KCND3: variants seen among roughly 807,000 people sequenced by gnomAD.
KCND3 encodes A-type voltage-gated potassium channel KCND3.
Under a neutral mutation model 51.1 loss-of-function variants are expected in KCND3, and 9 were observed. That is an observed-to-expected ratio of 0.18 (90% confidence interval 0.11 to 0.31). The LOEUF is 0.31. Among genes scored for constraint, KCND3 ranks in the 10% least tolerant of loss-of-function variants. The probability of loss-of-function intolerance (pLI) is 1.00; values close to 1 mark genes in which losing one functional copy is unlikely to be tolerated. For synonymous variants in KCND3, 349 were observed against 368.0 expected (o/e 0.95, Z 0.59); for missense variants, 526 against 903.8 (o/e 0.58, Z 5.36).
At chr1:111,988,795 T>A (rs1675453502) in intron 1 of KCND3, 1 of 152,246 alleles carries the variant, frequency 6.6e-6, no homozygotes, top group African/African-American at 2.4e-5. Context: ...AGCCTGTTGC[T>A]GACATATCAG....
At chr1:111,972,902 TTC>T (rs1428325305) in intron 2 of KCND3, among the ~76,000 whole-genome samples, 1 of 152,224 alleles carries the variant, frequency 6.6e-6, no homozygotes, top group African/African-American at 2.4e-5. Flanking sequence ...TTTAGTTTAA[TTC>T]TCTTAGTTTT....
rs797045634 is a variant in KCND3, at chr1:111,981,693, C to A, written c.1034G>T (p.Gly345Val). The change falls in exon 2 of 8, where the codon GGC (glycine) becomes GTC (valine). Residue 345 changes from glycine (G) to valine (V), a missense_variant. By Grantham distance (109) the Gly-to-Val change is moderately radical. Around this residue, in one of 5 missense-constraint regions of KCND3, gnomAD observed 48 missense variants for 228.5 expected, o/e 0.21. Coordinates refer to ENST00000302127, the MANE Select transcript of KCND3 (RefSeq NM_001378969.1). The surrounding 1 kb of genome is among the most constrained non-coding windows in gnomAD (Gnocchi z 6.2). ...FATVMFYAEK[G>V]SSASKFTSIP... is the part of the protein sequence containing the mutation. ...GCTTGTGAACTTGCTGGCCGAGGAG[C>A]CCTTCTCGGCATAAAACATCACAGT... 2 of 1,614,110 alleles carry A rather than the reference C, an allele frequency of 1.2e-6. No individual in the cohort carries two copies. The highest frequency in any genetic ancestry group is 8.5e-7 in the Non-Finnish European group (1 of 1,180,010).
chr1:111,953,622 C>T (rs952521657), intron 2 of KCND3, among the ~76,000 whole-genome samples: 5 of 152,210 alleles, frequency 3.3e-5, no homozygotes, highest in African/African-American at 4.8e-5. Context: ...AGGGAGAGGG[C>T]GTCACATGCA....
chr1:111,965,513 TG>T (rs1411540252), intron 2 of KCND3, among the ~76,000 whole-genome samples: 1 of 135,008 alleles, frequency 7.4e-6, no homozygotes, highest in Non-Finnish European at 1.6e-5. Flanking sequence ...TGTCAGGTTC[TG>T]AGTCTCTCCT....
At chr1:111,823,073 C>G (rs1034387969) in intron 2 of KCND3, among the ~76,000 whole-genome samples, 3 of 152,196 alleles carry the variant, frequency 2.0e-5, no homozygotes, top group African/African-American at 7.2e-5. Flanking sequence ...GGCGGAATCA[C>G]AGAAGCAAGG....
At chr1:111,967,296 C>T (rs929889632) in intron 2 of KCND3, among the ~76,000 whole-genome samples, 12 of 152,102 alleles carry the variant, frequency 7.9e-5, no homozygotes, top group Admixed American at 1.3e-4. Flanking sequence ...AAACTAGACC[C>T]TAAATCTAGG....
At chr1:111,817,685 A>G (rs1166156826) in intron 2 of KCND3, among the ~76,000 whole-genome samples, 1 of 152,212 alleles carries the variant, frequency 6.6e-6, no homozygotes, top group Non-Finnish European at 1.5e-5. Flanking sequence ...ATCATGCCTC[A>G]CATTTCTAAC....
intron 2 of KCND3, among the ~76,000 whole-genome samples, chr1:111,942,813 A>G (rs977433397): frequency 6.6e-6 from 1 of 152,174 alleles, no homozygotes; most frequent in Non-Finnish European, 1.5e-5. Context: ...TCCATTTTCC[A>G]GAGGAGGAAA....
rs547993535 is a variant in KCND3 at position 111,892,363 on chromosome 1, A to C, written c.1106+89258T>G. Among the ~76,000 whole-genome samples, 63 of 152,344 alleles carry C rather than the reference A, an allele frequency of 4.1e-4. 1 individual carries two copies. The highest frequency in any genetic ancestry group is 7.6e-4 in the Non-Finnish European group (52 of 68,032). On this transcript the variant is annotated intron_variant, in intron 2 of 7. Coordinates refer to ENST00000302127, the MANE Select transcript of KCND3 (RefSeq NM_001378969.1). ...TATTGGGCATTGCCCTGGACAATGCAGTGAGCCAGCTCTCCAATGTGTGAG... is the reference window on the plus strand; with the variant it reads ...TATTGGGCATTGCCCTGGACAATGCCGTGAGCCAGCTCTCCAATGTGTGAG...
chr1:111,883,608 T>C (rs964121991), intron 2 of KCND3, among the ~76,000 whole-genome samples: 7 of 152,226 alleles, frequency 4.6e-5, no homozygotes, highest in African/African-American at 1.7e-4. Flanking sequence ...AAGCTAAGTA[T>C]CTGTGTTTAC....
At chr1:111,954,539 G>C (rs903521225) in intron 2 of KCND3, among the ~76,000 whole-genome samples, 8 of 152,378 alleles carry the variant, frequency 5.3e-5, no homozygotes, top group Non-Finnish European at 1.2e-4. Flanking sequence ...AACAGTGGGA[G>C]CTGAAAGTGA....
intron 1 of KCND3, among the ~76,000 whole-genome samples, chr1:111,983,370 A>G (rs1039605473): frequency 6.6e-6 from 1 of 152,158 alleles, no homozygotes; most frequent in Non-Finnish European, 1.5e-5. Flanking sequence ...GGTGACCACC[A>G]GGATTGGTGA....
In KCND3 at chr1:111,884,978, A is replaced by C. The variant is rs1442754190; in HGVS notation, c.1106+96643T>G. ...CCCTGGCCTCTACCCACTAGATGCCAGTAGCATCTCACCACTCAGTCAAAT... is the reference window on the plus strand; with the variant it reads ...CCCTGGCCTCTACCCACTAGATGCCCGTAGCATCTCACCACTCAGTCAAAT... On this transcript the variant is annotated intron_variant, in intron 2 of 7. Transcript: ENST00000302127. Among the ~76,000 whole-genome samples the C allele has an allele frequency of 2.6e-5, 4 of 152,308 alleles. No individual in the cohort carries two copies. The East Asian group carries it at 7.7e-4, about 29-fold the overall frequency.
intron 2 of KCND3, among the ~76,000 whole-genome samples, chr1:111,933,342 C>G (rs76440522): frequency 1.3e-5 from 2 of 152,150 alleles, no homozygotes; most frequent in African/African-American, 4.8e-5. Flanking sequence ...AGTCACTGTG[C>G]GAGGCATATG....
At chr1:111,792,352 C>T (rs771732842) in intron 2 of KCND3, among the ~76,000 whole-genome samples, 1 of 152,188 alleles carries the variant, frequency 6.6e-6, no homozygotes, top group Non-Finnish European at 1.5e-5. Flanking sequence ...TAGTCAGAGG[C>T]AGAACAACTG....
At chr1:111,832,629 A>C (rs1666886522) in intron 2 of KCND3, among the ~76,000 whole-genome samples, 1 of 152,150 alleles carries the variant, frequency 6.6e-6, no homozygotes, top group South Asian at 2.1e-4. Flanking sequence ...TAGACTCAGA[A>C]CTGCTCCATC....
At chr1:111,777,406 T>C (rs1348900020) in intron 6 of KCND3, 133 bp from the exon 7 acceptor site, 2 of 943,034 alleles carry the variant, frequency 2.1e-6, no homozygotes, top group Non-Finnish European at 1.7e-6. Context: ...GGATCACAGA[T>C]AAGCATTCAG....
chr1:111,866,269 T>A (rs6674477), intron 2 of KCND3, among the ~76,000 whole-genome samples: 2,393 of 18,664 alleles, frequency 0.13, 66 homozygotes, highest in East Asian at 0.31. Context: ...TTTTCTTTTT[T>A]TTTTTTTTTT....
chr1:111,877,234 G>A (rs1669090220), intron 2 of KCND3, among the ~76,000 whole-genome samples: 1 of 152,246 alleles, frequency 6.6e-6, no homozygotes, highest in Non-Finnish European at 1.5e-5. Context: ...CACTGTGCCA[G>A]GGGCTTGCGA....
Sources: gnomAD v4.1 joint callset for allele counts (sites outside exome capture counted in the v4.1 genomes callset) on GRCh38, gnomAD v4.1.1 for gene constraint, gnomAD v4.1.1 regional missense constraint, Gnocchi (gnomAD v3.1) non-coding constraint, MANE v1.5 for transcripts, NCBI Gene and HGNC (gene_info 2026-07-23, HGNC 2026-07-21) for gene names.